Variants in HIVEP1 observed in about 807,000 individuals in gnomAD.
HIVEP1 encodes the protein HIVEP zinc finger 1.
A neutral mutation model predicts 180.0 loss-of-function variants in HIVEP1; 36 were observed. The ratio of observed to expected loss-of-function variants is 0.20; its 90% CI spans 0.15 to 0.26. The LOEUF is 0.26. Among genes scored for constraint, HIVEP1 ranks in the 10% least tolerant of loss-of-function variants. The pLI is 1.00. For synonymous variants in HIVEP1, 1,239 were observed against 1,239.0 expected, an observed-to-expected ratio of 1.00 and a Z score of 0.00; for missense variants, 3,143 against 3,268.7, an observed-to-expected ratio of 0.96 and a Z score of 0.94.
chr6:12,066,922 A>C (rs1355913067), intron 2 of HIVEP1, among the ~76,000 whole-genome samples: 2 of 152,074 alleles, frequency 1.3e-5, no homozygotes, highest in African/African-American at 4.8e-5. Flanking sequence ...TTATATATAC[A>C]TACATACAAA....
At chr6:12,082,551 G>A (rs1162696142) in intron 2 of HIVEP1, among the ~76,000 whole-genome samples, 2 of 152,058 alleles carry the variant, frequency 1.3e-5, no homozygotes, top group Admixed American at 6.6e-5. Context: ...ACCAACTCTA[G>A]GCTATGGTTT....
chr6:12,068,656 G>A (rs562755971), intron 2 of HIVEP1, among the ~76,000 whole-genome samples: 10 of 152,132 alleles, frequency 6.6e-5, no homozygotes, highest in African/African-American at 1.2e-4. Flanking sequence ...TGTGTAAATC[G>A]TCACACATAT....
chr6:12,074,664 GTCTC>G (rs572611078), intron 2 of HIVEP1, among the ~76,000 whole-genome samples: 410 of 151,102 alleles, frequency 2.7e-3, no homozygotes, highest in Non-Finnish European at 4.2e-3. Flanking sequence ...GCATGTCCTT[GTCTC>G]TCTTTCTGAG....
the HIVEP1 span, among the ~76,000 whole-genome samples, chr6:12,199,569 C>T: frequency 2.0e-5 from 3 of 151,968 alleles, no homozygotes; most frequent in Non-Finnish European, 2.9e-5. Context: ...CCATGTTGGC[C>T]GGGCCAGTCT....
chr6:12,115,409 G>T (rs752008999), intron 3 of HIVEP1, among the ~76,000 whole-genome samples: 56 of 97,178 alleles, frequency 5.8e-4, no homozygotes, highest in Non-Finnish European at 9.2e-4. Context: ...TTTCTAAGCT[G>T]TTCTTGACTC....
upstream of HIVEP1, among the ~76,000 whole-genome samples, chr6:12,011,761 C>A (rs915242627): frequency 2.8e-4 from 41 of 148,186 alleles, no homozygotes; most frequent in African/African-American, 9.3e-4. Context: ...CCCATCCAGT[C>A]CCTACACCCG....
the HIVEP1 span, among the ~76,000 whole-genome samples, chr6:12,204,178 T>G: frequency 2.0e-5 from 3 of 152,268 alleles, no homozygotes; most frequent in South Asian, 6.2e-4. Flanking sequence ...CTGAGGACAC[T>G]TCCATGCAGA....
chr6:12,134,528 G>A (rs952040257), intron 6 of HIVEP1, among the ~76,000 whole-genome samples: 6 of 152,214 alleles, frequency 3.9e-5, no homozygotes, highest in African/African-American at 1.4e-4. Context: ...GCTACTGCAA[G>A]CCCGAAATTT....
chr6:12,188,896 T>A, the HIVEP1 span, among the ~76,000 whole-genome samples: 1 of 152,024 alleles, frequency 6.6e-6, no homozygotes, highest in South Asian at 2.1e-4. Flanking sequence ...ACAAATAAAT[T>A]CTGAAGAAAG....
chr6:12,092,288 T>C (rs1773525360), intron 3 of HIVEP1, among the ~76,000 whole-genome samples: 1 of 152,194 alleles, frequency 6.6e-6, no homozygotes, highest in Non-Finnish European at 1.5e-5. Flanking sequence ...TATTTTCTAG[T>C]TGTGCCTGAG....
chr6:12,197,211 G>C, the HIVEP1 span, among the ~76,000 whole-genome samples: 1 of 152,106 alleles, frequency 6.6e-6, no homozygotes, highest in African/African-American at 2.4e-5. Context: ...ATGAATGAAG[G>C]CAAGAACGAC....
intron 2 of HIVEP1, among the ~76,000 whole-genome samples, chr6:12,085,690 G>C (rs1385067704): frequency 6.6e-6 from 1 of 152,050 alleles, no homozygotes; most frequent in East Asian, 1.9e-4. Flanking sequence ...AGAGCCCAAG[G>C]CTCTTGGGGA....
chr6:12,135,783 C>T lies in HIVEP1; in HGVS notation c.6386-8C>T. The T allele has an allele frequency of 2.5e-6, 4 of 1,576,524 alleles. No individual in the cohort carries two copies. The highest frequency in any genetic ancestry group is 3.5e-6 in the Non-Finnish European group (4 of 1,147,240). ...ACTTAAGCTTAGTAAACATTCTTTTCCCTTAAGGAAATCTGACAAAACACA... is the reference window on the plus strand; with the variant it reads ...ACTTAAGCTTAGTAAACATTCTTTTTCCTTAAGGAAATCTGACAAAACACA... On this transcript the variant is annotated splice_polypyrimidine_tract_variant and splice_region_variant and intron_variant, in intron 6 of 8. Transcript: ENST00000379388.
intron 2 of HIVEP1, among the ~76,000 whole-genome samples, chr6:12,074,251 C>T (rs2327507): frequency 0.99 from 150,767 of 152,326 alleles, 74,639 homozygotes; most frequent in Middle Eastern, 1. Flanking sequence ...TGCACCGATA[C>T]CAGTGATTTT....
At chr6:12,176,334 C>G in the HIVEP1 span, among the ~76,000 whole-genome samples, 1 of 149,722 alleles carries the variant, frequency 6.7e-6, no homozygotes, top group East Asian at 2.0e-4. Context: ...CAGATTCAAG[C>G]GATTCTCTTG....
the HIVEP1 span, among the ~76,000 whole-genome samples, chr6:12,175,839 C>T: frequency 6.6e-6 from 1 of 152,160 alleles, no homozygotes; most frequent in Non-Finnish European, 1.5e-5. Context: ...GACGCGGCAC[C>T]ATCCAGAAGG....
intron 3 of HIVEP1, among the ~76,000 whole-genome samples, chr6:12,096,237 G>A (rs1185874384): frequency 6.6e-6 from 1 of 151,904 alleles, no homozygotes; most frequent in Non-Finnish European, 1.5e-5. Flanking sequence ...AATATACATA[G>A]GTAGTTTATA....
At chr6:12,051,981 T>C (rs1023673267) in intron 2 of HIVEP1, among the ~76,000 whole-genome samples, 3 of 152,178 alleles carry the variant, frequency 2.0e-5, no homozygotes, top group African/African-American at 7.2e-5. Context: ...TTACATACTG[T>C]GTGGGGGGAC....
chr6:12,135,468 T>C (rs1758651150), intron 6 of HIVEP1, among the ~76,000 whole-genome samples: 1 of 152,180 alleles, frequency 6.6e-6, no homozygotes, highest in African/African-American at 2.4e-5. Context: ...CTACAGATCA[T>C]AGTGTAGTCT....
Sources: allele counts gnomAD v4.1 joint callset (sites outside exome capture counted in the v4.1 genomes callset), GRCh38; gene constraint gnomAD v4.1.1; transcripts MANE v1.5; gene names NCBI Gene and HGNC (gene_info 2026-07-23, HGNC 2026-07-21).